Variants in PITPNM2 observed in about 807,000 individuals in gnomAD.
PITPNM2 encodes the protein phosphatidylinositol transfer protein membrane associated 2.
In PITPNM2, 35 loss-of-function variants were observed where a neutral mutation model predicts 132.2. The observed-to-expected ratio is 0.26, with a 90% CI of 0.20 to 0.35. The LOEUF is 0.35. Ranked by LOEUF, PITPNM2 falls within the 10% of genes least tolerant of loss-of-function variation. The probability of loss-of-function intolerance (pLI) is 1.00; values close to 1 mark genes in which losing one functional copy is unlikely to be tolerated. For synonymous variants in PITPNM2, 738 were observed against 799.2 expected, an observed-to-expected ratio of 0.92 and a Z score of 1.29; for missense variants, 1,332 against 1,912.0, an observed-to-expected ratio of 0.70 and a Z score of 5.66.
intron 2 of PITPNM2, among the ~76,000 whole-genome samples, chr12:123,048,816 G>C (rs572811963): frequency 2.8e-4 from 42 of 152,250 alleles, no homozygotes; most frequent in African/African-American, 7.2e-4. Context: ...TGTCCTTAAT[G>C]TCACAGAACT....
At position 123,013,913 on chromosome 12, in the gene PITPNM2, G is replaced by C; in HGVS notation, c.208C>G (p.Pro70Ala). The stretch of plus-strand genomic sequence containing the variant: ...GGCAGGATGGAGCGGAACCAGCTGG[G>C]AATGTGCATGCCCACATGATACACC... ...HKVYHVGMHI[P>A]SWFRSILPKA... is the part of the protein sequence containing the mutation. The change falls in exon 4 of 26, where the codon CCC becomes GCC. Residue 70 changes from proline (P) to alanine (A), a missense_variant. Pro to Ala is a conservative substitution (Grantham distance 27). Around this residue, in one of 6 missense-constraint regions of PITPNM2, gnomAD observed 83 missense variants for 118.7 expected, o/e 0.70. Coordinates refer to ENST00000320201, the MANE Select transcript of PITPNM2 (RefSeq NM_020845.3). The C allele has an allele frequency of 1.2e-6, 2 of 1,614,278 alleles. No individual in the cohort carries two copies. Among genetic ancestry groups the C allele is most frequent in the Non-Finnish European group, 1.7e-6 (2 of 1,180,048 alleles).
rs376218434 is a variant in PITPNM2, at chr12:123,142,519, A to G, written c.-200+8234T>C. ...GTTTTAGTGTTGGGTTCTTAAACAC[A>G]TCAAACAAATTTCCTTTAAACTAGT... On this transcript the variant is annotated intron_variant, in intron 1 of 25. Coordinates refer to ENST00000320201, the MANE Select transcript of PITPNM2 (RefSeq NM_020845.3). 7.6e-4 allele frequency among the ~76,000 whole-genome samples: 116 copies of G among 152,342 alleles called. 2 individuals carry two copies. Among genetic ancestry groups the G allele is most frequent in the African/African-American group, 2.7e-3 (111 of 41,580 alleles).
intron 2 of PITPNM2, among the ~76,000 whole-genome samples, chr12:123,094,400 GCAGGCTGAAGCGGAGCC>G (rs1185027683): frequency 6.6e-6 from 1 of 152,216 alleles, no homozygotes; most frequent in African/African-American, 2.4e-5. Context: ...TCTTCACCCA[GCAGGCTGAAGCGGAGCC>G]CAGCCAAGGC....
rs1268313783 is a variant in PITPNM2 at position 123,022,225 on chromosome 12, G to A, written c.79-8183C>T. On this transcript the variant is annotated intron_variant, in intron 3 of 25. Coordinates refer to ENST00000320201, the MANE Select transcript of PITPNM2 (RefSeq NM_020845.3). The surrounding 1 kb of genome is among the most constrained non-coding windows in gnomAD (Gnocchi z 4.9). ...TTTTTCTGGTCCTGGATCAGCCATT[G>A]ATGTCAGCACTTGGGCTAAAAGGAC... 6.6e-6 allele frequency among the ~76,000 whole-genome samples: 1 copy of A among 152,208 alleles called. No homozygotes were observed. Among genetic ancestry groups the A allele is most frequent in the Non-Finnish European group, 1.5e-5 (1 of 68,038 alleles).
Position 123,099,244 on chromosome 12 carries a change from A to T in PITPNM2, c.-96+11141T>A, listed in dbSNP as rs117730285. 4.3e-3 allele frequency among the ~76,000 whole-genome samples: 649 copies of T among 152,186 alleles called. 1 individual carries two copies. The highest frequency in any genetic ancestry group is 1.0e-2 in the South Asian group (48 of 4,804). On this transcript the variant is annotated intron_variant, in intron 2 of 25. Coordinates refer to ENST00000320201, the MANE Select transcript of PITPNM2 (RefSeq NM_020845.3). This position sits in a 1 kb window ranked among gnomAD's most constrained non-coding sequence, Gnocchi z 4.2. ...AACTGTCGATTTTGCTGAAAAAAAA[A>T]ATATATATCTTTTTTTTTAAAGAAT...
rs2038219249 is a variant in PITPNM2, at chr12:122,992,193, G to A, written c.2404+306C>T. ...TAGCTCTGTCTCTGTTGGGATGGAGGCTCAGCTGTGGAGAGGGGAGTCTGG... is the reference window on the plus strand; with the variant it reads ...TAGCTCTGTCTCTGTTGGGATGGAGACTCAGCTGTGGAGAGGGGAGTCTGG... On this transcript the variant is annotated intron_variant, in intron 16 of 25. Coordinates refer to ENST00000320201, the MANE Select transcript of PITPNM2 (RefSeq NM_020845.3). This position sits in a 1 kb window ranked among gnomAD's most constrained non-coding sequence, Gnocchi z 6.5. Among the ~76,000 whole-genome samples, 1 of 152,152 alleles carries A rather than the reference G, an allele frequency of 6.6e-6. No individual in the cohort carries two copies. The highest frequency in any genetic ancestry group is 2.1e-4 in the South Asian group (1 of 4,828).
Position 122,992,723 on chromosome 12 carries a change from T to C in PITPNM2, c.2234-54A>G, listed in dbSNP as rs781162305. 66 of 1,268,628 alleles carry C rather than the reference T, an allele frequency of 5.2e-5. No individual in the cohort carries two copies. Among genetic ancestry groups the C allele is most frequent in the Non-Finnish European group, 6.6e-5 (61 of 928,428 alleles). The allele number at this position is 1,268,628 out of a possible 1,614,324, so 78.6% of individuals were successfully genotyped here. ...TGGGGCTGGCCCTGAGGAGCAGTGG[T>C]GGGGGTGGGAAATTTGGGAACTGGG... is the stretch of plus-strand genomic sequence containing the variant. On this transcript the variant is annotated intron_variant, in intron 15 of 25. Transcript: ENST00000320201. This position sits in a 1 kb window ranked among gnomAD's most constrained non-coding sequence, Gnocchi z 6.5.
At chr12:123,048,538 G>T (rs971026130) in intron 2 of PITPNM2, among the ~76,000 whole-genome samples, 1 of 151,466 alleles carries the variant, frequency 6.6e-6, no homozygotes, top group South Asian at 2.1e-4. Context: ...TCAGCCTCCC[G>T]AGTAGCTGGG....
rs1410171071 is a variant in PITPNM2, at chr12:122,990,693, G to C, written c.2421C>G (p.Thr807=). ...CATGCTCTTGGAAGGCTGCATTGTG[G>C]GTCTGGAGCACATCCGCTGCAGGTG... ...CSTLLADVLQ[T]HNAAFQEHGA... is the part of the protein sequence containing the mutation. Residue 807 remains threonine, a synonymous_variant, in exon 17 of 26, where the codon ACC becomes ACG. Transcript: ENST00000320201. 1.2e-6 allele frequency: 2 copies of C among 1,609,276 alleles called. No individual in the cohort carries two copies. The highest frequency in any genetic ancestry group is 1.7e-6 in the Non-Finnish European group (2 of 1,178,442).
At chr12:123,109,439 A>G (rs1324697331) in intron 2 of PITPNM2, among the ~76,000 whole-genome samples, 2 of 152,244 alleles carry the variant, frequency 1.3e-5, no homozygotes, top group South Asian at 2.1e-4. Flanking sequence ...GGGCCATTCA[A>G]TCTCTAGACC....
intron 3 of PITPNM2, among the ~76,000 whole-genome samples, chr12:123,033,820 T>C (rs2040177633): frequency 6.6e-6 from 1 of 152,066 alleles, no homozygotes; most frequent in Admixed American, 6.5e-5. Flanking sequence ...GCCCTCACAA[T>C]GGGACTGGTG....
intron 1 of PITPNM2, among the ~76,000 whole-genome samples, chr12:123,146,652 C>T (rs1031526006): frequency 6.6e-6 from 1 of 151,126 alleles, no homozygotes; most frequent in African/African-American, 2.4e-5. Context: ...AAAGAGTAAG[C>T]AAATGCCAGC....
chr12:122,989,766 G>C lies in PITPNM2; in HGVS notation c.2731+21C>G, dbSNP rs749766223. On this transcript the variant is annotated intron_variant, in intron 18 of 25. Coordinates refer to ENST00000320201, the MANE Select transcript of PITPNM2 (RefSeq NM_020845.3). ...AGCAGCAGAGTGACCCCCAGTGAGG[G>C]GAAAGTGTGTGGGGTGGTACCTTCT... 9.5e-6 allele frequency: 13 copies of C among 1,373,284 alleles called. No homozygotes were observed. The South Asian group carries it at 2.5e-4, about 26-fold the overall frequency. 85.1% of individuals were successfully genotyped at this position (1,373,284 alleles called of 1,614,324 possible).
At chr12:123,084,933 A>G (rs911236739) in intron 2 of PITPNM2, among the ~76,000 whole-genome samples, 1 of 151,222 alleles carries the variant, frequency 6.6e-6, no homozygotes, top group East Asian at 1.9e-4. Flanking sequence ...CATCCCACAC[A>G]CCCCCCTCCC....
At chr12:123,126,010 C>T (rs989792813) in intron 1 of PITPNM2, among the ~76,000 whole-genome samples, 1 of 149,724 alleles carries the variant, frequency 6.7e-6, no homozygotes, top group African/African-American at 2.5e-5. Flanking sequence ...GCTGGGACTA[C>T]AGGCACCCGC....
In PITPNM2 at chr12:122,992,507, G is replaced by A. The variant is rs879198026; in HGVS notation, c.2396C>T (p.Thr799Met). The A allele has an allele frequency of 6.2e-6, 10 of 1,610,528 alleles. No homozygotes were observed. Among genetic ancestry groups the A allele is most frequent in the Admixed American group, 3.3e-5 (2 of 59,928 alleles). The change falls in exon 16 of 26, where the codon ACG becomes ATG. Residue 799 changes from threonine (T) to methionine (M), a missense_variant. Transcript: ENST00000320201. This position sits in a 1 kb window ranked among gnomAD's most constrained non-coding sequence, Gnocchi z 6.5. ...QRYPLGDGCSTLLADVLQTHN... is the reference protein window; with the variant it reads ...QRYPLGDGCSMLLADVLQTHN... ...CGGAATGTGCCTCTCACCCAGCAGC[G>A]TGGAGCAGCCATCCCCCAGCGGGTA...
intron 2 of PITPNM2, among the ~76,000 whole-genome samples, chr12:123,079,879 A>T (rs571797133): frequency 1.6e-4 from 25 of 152,164 alleles, no homozygotes; most frequent in Non-Finnish European, 2.9e-4. Flanking sequence ...ATCTAGTTCC[A>T]GAGTTTCAGC....
intron 18 of PITPNM2, 107 bp from the exon 19 acceptor site, chr12:122,988,979 C>T: frequency 1.6e-6 from 2 of 1,240,136 alleles, no homozygotes; most frequent in Admixed American, 3.0e-5. Flanking sequence ...GTCCCCCCAC[C>T]AGCTATAGCC....
intron 2 of PITPNM2, chr12:123,089,262 C>T (rs2042197216): frequency 6.6e-6 from 1 of 152,156 alleles, no homozygotes; most frequent in South Asian, 2.1e-4. Flanking sequence ...CAACAGGGGC[C>T]CTAGGTGAGC....
Sources: allele counts gnomAD v4.1 joint callset (sites outside exome capture counted in the v4.1 genomes callset), GRCh38; gene constraint gnomAD v4.1.1; regional missense constraint gnomAD v4.1.1; non-coding constraint Gnocchi (gnomAD v3.1); transcripts MANE v1.5; gene names NCBI Gene and HGNC (gene_info 2026-07-23, HGNC 2026-07-21).